PLXDC1: variants seen among roughly 807,000 people sequenced by gnomAD.
PLXDC1 encodes plexin domain containing 1.
In PLXDC1, 39 loss-of-function variants were observed where a neutral mutation model predicts 61.3. The observed-to-expected ratio is 0.64, with a 90% CI of 0.49 to 0.83. The LOEUF (loss-of-function observed/expected upper bound fraction) is 0.83, where lower values mean the gene tolerates loss of function less well. Among genes scored for constraint, PLXDC1 ranks in the 40% least tolerant of loss-of-function variants. The pLI, the probability that PLXDC1 is intolerant of heterozygous loss-of-function variation, is 0.00. For missense variants in PLXDC1, 596 were observed against 666.5 expected (o/e 0.89, Z 1.17); for synonymous variants, 212 against 254.5 (o/e 0.83, Z 1.59).
chr17:39,135,768 A>G (rs1354223790), intron 2 of PLXDC1, among the ~76,000 whole-genome samples: 3 of 152,050 alleles, frequency 2.0e-5, no homozygotes, highest in Admixed American at 2.0e-4. Context: ...CACATGGGGA[A>G]CTTGAAACAA....
At chr17:39,087,889 T>C (rs1909802795) in intron 7 of PLXDC1, among the ~76,000 whole-genome samples, 187 bp from the exon 8 acceptor site, 2 of 152,120 alleles carry the variant, frequency 1.3e-5, no homozygotes, top group Admixed American at 1.3e-4. Flanking sequence ...GAGAGTGTTG[T>C]GGTGTGAGGC....
intron 2 of PLXDC1, among the ~76,000 whole-genome samples, chr17:39,123,888 C>T (rs981589933): frequency 1.3e-5 from 2 of 152,006 alleles, no homozygotes; most frequent in Admixed American, 6.6e-5. Context: ...CAACCAAGGA[C>T]GTCCTGCAGG....
At chr17:39,090,323 A>G (rs145721563) in intron 7 of PLXDC1, among the ~76,000 whole-genome samples, 1 of 149,532 alleles carries the variant, frequency 6.7e-6, no homozygotes, top group Non-Finnish European at 1.5e-5. Context: ...CCTGGAGCTG[A>G]GCAGCATCTA....
chr17:39,069,181 C>T (rs1598181028), intron 13 of PLXDC1, among the ~76,000 whole-genome samples: 1 of 152,186 alleles, frequency 6.6e-6, no homozygotes, highest in Non-Finnish European at 1.5e-5. Context: ...TCAGGGCTCA[C>T]TGCAGCCTCA....
chr17:39,099,815 T>C (rs780795197), intron 7 of PLXDC1, among the ~76,000 whole-genome samples: 2 of 152,000 alleles, frequency 1.3e-5, no homozygotes, highest in Non-Finnish European at 2.9e-5. Flanking sequence ...GGAAAGAGGA[T>C]TATAATCAGT....
intron 2 of PLXDC1, among the ~76,000 whole-genome samples, chr17:39,128,064 TC>T (rs1911368382): frequency 3.3e-5 from 1 of 29,872 alleles, no homozygotes. Context: ...TCTCTCTCTC[TC>T]TGTCTCTCTC....
chr17:39,069,974 A>C lies in PLXDC1; in HGVS notation c.1265T>G (p.Val422Gly). The change falls in exon 13 of 14, where the codon GTG becomes GGG. Residue 422 changes from valine to glycine, a missense_variant. Coordinates refer to ENST00000315392, the MANE Select transcript of PLXDC1 (RefSeq NM_020405.5). ...NLSPKTKGTP[V>G]HLGTIVGIVL... ...GATGCCCACGATGGTGCCCAGGTGC[A>C]CAGGAGTGCCCTTTGTCTTGGGGGA... 5.0e-6 allele frequency: 8 copies of C among 1,613,964 alleles called. No individual in the cohort carries two copies. The highest frequency in any genetic ancestry group is 6.8e-6 in the Non-Finnish European group (8 of 1,179,820).
At position 39,063,908 on chromosome 17, in the gene PLXDC1, C is replaced by T. The variant is rs1020456016; in HGVS notation, c.*3932G>A. Reference sequence around the variant, plus strand: ...GGAACTAGAGGAGAGAGAGCCTTAGCCTTGCCTGCAACCAGATGAATGGTT... The same window carrying T: ...GGAACTAGAGGAGAGAGAGCCTTAGTCTTGCCTGCAACCAGATGAATGGTT... On this transcript the variant is annotated 3_prime_UTR_variant, in exon 14 of 14. Coordinates refer to ENST00000315392, the MANE Select transcript of PLXDC1 (RefSeq NM_020405.5). 1 of 168,176 alleles carries T rather than the reference C, an allele frequency of 5.9e-6. No homozygotes were observed. The highest frequency in any genetic ancestry group is 2.4e-5 in the African/African-American group (1 of 41,796). The allele number at this position is 168,176 out of a possible 1,614,324, so 10.4% of individuals were successfully genotyped here.
intron 2 of PLXDC1, among the ~76,000 whole-genome samples, chr17:39,118,080 C>T (rs62077964): frequency 1.1e-5 from 1 of 90,056 alleles, no homozygotes; most frequent in African/African-American, 4.2e-5. Flanking sequence ...CTCCCTCCCT[C>T]CCTCCCTTCC....
intron 13 of PLXDC1, among the ~76,000 whole-genome samples, chr17:39,068,602 A>T (rs776825637): frequency 1.4e-4 from 21 of 152,230 alleles, no homozygotes; most frequent in Non-Finnish European, 2.5e-4. Context: ...GCTTGAACCC[A>T]GGAGGCGGAG....
Position 39,108,205 on chromosome 17 carries a change from T to C in PLXDC1, c.510A>G (p.Thr170=). The change falls in exon 5 of 14, where the codon ACA becomes ACG. Residue 170 remains threonine, a synonymous_variant. Coordinates refer to ENST00000315392, the MANE Select transcript of PLXDC1 (RefSeq NM_020405.5). ...FMGDVIHRML[T]ATQYVAPLMA... ...TCAGGGGCGCCACATACTGAGTAGC[T>C]GTGAGCATCCGATGGATCACGTCCC... 6.2e-7 allele frequency: 1 copy of C among 1,614,112 alleles called. No homozygotes were observed. The highest frequency in any genetic ancestry group is 1.3e-5 in the African/African-American group (1 of 75,050).
rs1470489681 is a variant in PLXDC1, at chr17:39,128,167, A to ATATATGTGTATATGTG, written c.255+11486_255+11487insCACATATACACATATA. Among the ~76,000 whole-genome samples, 7 of 125,288 alleles carry ATATATGTGTATATGTG rather than the reference A, an allele frequency of 5.6e-5. No individual in the cohort carries two copies. In the South Asian group the frequency reaches 7.9e-4, roughly 14 times the overall value. The allele number at this position is 125,288 out of a possible 152,430, so 82.2% of individuals were successfully genotyped here. ...TATATATGTGTGTATATATATGTAT[A>ATATATGTGTATATGTG]TATATGTATATATATATGTGTGTAT... On this transcript the variant is annotated intron_variant, in intron 2 of 13. Transcript: ENST00000315392.
chr17:39,132,507 G>T (rs1911598918), intron 2 of PLXDC1, among the ~76,000 whole-genome samples: 1 of 151,912 alleles, frequency 6.6e-6, no homozygotes, highest in African/African-American at 2.4e-5. Flanking sequence ...GTGTGGGAAT[G>T]CATTTTAGGG....
intron 2 of PLXDC1, among the ~76,000 whole-genome samples, chr17:39,128,451 C>T (rs190942350): frequency 1.2e-4 from 18 of 151,392 alleles, no homozygotes; most frequent in Admixed American, 5.9e-4. Flanking sequence ...AACTCCTGAC[C>T]TCAGATGATC....
At chr17:39,100,575 C>A (rs1910387320) in intron 7 of PLXDC1, among the ~76,000 whole-genome samples, 1 of 152,230 alleles carries the variant, frequency 6.6e-6, no homozygotes, top group Non-Finnish European at 1.5e-5. Context: ...ACTTCAGTCG[C>A]AGCCTGTGAA....
intron 9 of PLXDC1, among the ~76,000 whole-genome samples, chr17:39,081,682 C>T (rs1208004774): frequency 6.6e-6 from 1 of 151,526 alleles, no homozygotes; most frequent in South Asian, 2.1e-4. Flanking sequence ...GTGGCTCACA[C>T]CTGTAATCCC....
chr17:39,132,873 G>A (rs16498), intron 2 of PLXDC1, among the ~76,000 whole-genome samples: 2,613 of 152,224 alleles, frequency 0.017, 82 homozygotes, highest in African/African-American at 0.06. Flanking sequence ...CCCTTGATAT[G>A]GCCCCAGAGC....
At chr17:39,090,155 A>C (rs776712516) in intron 7 of PLXDC1, among the ~76,000 whole-genome samples, 2 of 152,120 alleles carry the variant, frequency 1.3e-5, no homozygotes, top group Non-Finnish European at 2.9e-5. Flanking sequence ...TACTTAACCC[A>C]GGACTGCGCC....
At chr17:39,084,645 A>G (rs570954748) in intron 8 of PLXDC1, among the ~76,000 whole-genome samples, 1 of 152,240 alleles carries the variant, frequency 6.6e-6, no homozygotes, top group African/African-American at 2.4e-5. Flanking sequence ...AGCAGCAGCC[A>G]GAACTGCTAC....
Sources: gnomAD v4.1 joint callset for allele counts (sites outside exome capture counted in the v4.1 genomes callset) on GRCh38, gnomAD v4.1.1 for gene constraint, MANE v1.5 for transcripts, NCBI Gene and HGNC (gene_info 2026-07-23, HGNC 2026-07-21) for gene names.